LHFPL6: variants seen among roughly 807,000 people sequenced by gnomAD.
LHFPL6 encodes the protein LHFPL tetraspan subfamily member 6 protein.
Under a neutral mutation model 20.6 loss-of-function variants are expected in LHFPL6, and 9 were observed. The ratio of observed to expected loss-of-function variants is 0.44; its 90% CI spans 0.26 to 0.76. The LOEUF (loss-of-function observed/expected upper bound fraction) is 0.76. Among genes scored for constraint, LHFPL6 ranks in the 30% least tolerant of loss-of-function variants. The pLI is 0.20. For missense variants in LHFPL6, 218 were observed against 253.5 expected (o/e 0.86, Z 0.95); for synonymous variants, 105 against 98.7 (o/e 1.06, Z -0.38).
chr13:39,355,582 C>T (rs1325280167), intron 3 of LHFPL6, among the ~76,000 whole-genome samples: 3 of 152,134 alleles, frequency 2.0e-5, no homozygotes, highest in African/African-American at 7.2e-5. Flanking sequence ...TTAGAAGGTA[C>T]AGAGTGGCAA....
chr13:39,443,188 T>G (rs1301005356), intron 2 of LHFPL6, among the ~76,000 whole-genome samples: 1 of 152,142 alleles, frequency 6.6e-6, no homozygotes, highest in Non-Finnish European at 1.5e-5. Flanking sequence ...AGGAGTTGGT[T>G]CATGAGAAAA....
At chr13:39,355,999 G>T (rs1040776043) in intron 3 of LHFPL6, among the ~76,000 whole-genome samples, 10 of 152,126 alleles carry the variant, frequency 6.6e-5, no homozygotes, top group Admixed American at 6.6e-4. Context: ...ACCAAAAAAA[G>T]AAATTCTGGA....
intron 2 of LHFPL6, among the ~76,000 whole-genome samples, chr13:39,523,995 T>C (rs1249549743): frequency 6.6e-6 from 1 of 152,106 alleles, no homozygotes; most frequent in Non-Finnish European, 1.5e-5. Context: ...TAGGAAAAGA[T>C]GGCAGAGTAC....
intron 2 of LHFPL6, among the ~76,000 whole-genome samples, chr13:39,477,117 AC>A (rs1873102425): frequency 6.6e-6 from 1 of 151,706 alleles, no homozygotes; most frequent in South Asian, 2.1e-4. Context: ...CACAGATCCA[AC>A]CCTCCCCCAT....
intron 2 of LHFPL6, among the ~76,000 whole-genome samples, chr13:39,504,055 T>C (rs975994423): frequency 8.5e-5 from 13 of 152,202 alleles, no homozygotes; most frequent in African/African-American, 2.7e-4. Context: ...ATGGCAAAAA[T>C]TGCTTTTGCA....
At chr13:39,391,301 C>T (rs1293315412) in intron 2 of LHFPL6, among the ~76,000 whole-genome samples, 1 of 152,194 alleles carries the variant, frequency 6.6e-6, no homozygotes, top group African/African-American at 2.4e-5. Flanking sequence ...TTCACAAACA[C>T]TACTGCCACG....
chr13:39,349,136 T>C (rs1869490630), intron 3 of LHFPL6, among the ~76,000 whole-genome samples: 1 of 152,182 alleles, frequency 6.6e-6, no homozygotes, highest in Non-Finnish European at 1.5e-5. Flanking sequence ...CAATGTGATT[T>C]AAAAGAAAAA....
chr13:39,363,614 G>T (rs936341610), intron 3 of LHFPL6, among the ~76,000 whole-genome samples: 1 of 152,096 alleles, frequency 6.6e-6, no homozygotes, highest in African/African-American at 2.4e-5. Context: ...TGCTCCCCAG[G>T]ACACCGACAG....
At chr13:39,508,047 G>A (rs1459183088) in intron 2 of LHFPL6, among the ~76,000 whole-genome samples, 2 of 148,342 alleles carry the variant, frequency 1.3e-5, no homozygotes, top group Non-Finnish European at 3.0e-5. Context: ...TTGAGGCAGA[G>A]TCACGCTCTG....
intron 2 of LHFPL6, among the ~76,000 whole-genome samples, chr13:39,474,543 A>C (rs1873031838): frequency 6.6e-6 from 1 of 152,118 alleles, no homozygotes; most frequent in Admixed American, 6.5e-5. Flanking sequence ...ATGTTTCCTC[A>C]CCTTTTTTCT....
chr13:39,575,728 G>A (rs960651973), intron 2 of LHFPL6, among the ~76,000 whole-genome samples: 5 of 152,148 alleles, frequency 3.3e-5, no homozygotes, highest in Non-Finnish European at 7.3e-5. Context: ...CTGTGGAGTG[G>A]GGAGCTCCTT....
At chr13:39,585,082 C>T (rs1872406543) in intron 2 of LHFPL6, among the ~76,000 whole-genome samples, 1 of 152,164 alleles carries the variant, frequency 6.6e-6, no homozygotes, top group Non-Finnish European at 1.5e-5. Context: ...CACCCCAATA[C>T]ACCCATATGG....
chr13:39,600,550 C>T (rs565861484), intron 2 of LHFPL6, among the ~76,000 whole-genome samples: 13 of 152,284 alleles, frequency 8.5e-5, no homozygotes, highest in Non-Finnish European at 1.5e-4. Flanking sequence ...CAAACTGTCG[C>T]CCCTACTACA....
chr13:39,377,937 T>C (rs1317465274), intron 3 of LHFPL6, among the ~76,000 whole-genome samples: 1 of 152,218 alleles, frequency 6.6e-6, no homozygotes, highest in East Asian at 1.9e-4. Flanking sequence ...AGTGCTTCCA[T>C]CTAATCCTGA....
intron 2 of LHFPL6, among the ~76,000 whole-genome samples, chr13:39,453,253 T>A (rs1042991645): frequency 6.6e-6 from 1 of 152,192 alleles, no homozygotes; most frequent in African/African-American, 2.4e-5. Context: ...TAAGCCTAGT[T>A]TATTCAAATA....
chr13:39,592,674 G>C (rs564889310), intron 2 of LHFPL6, among the ~76,000 whole-genome samples: 1 of 152,142 alleles, frequency 6.6e-6, no homozygotes, highest in Non-Finnish European at 1.5e-5. Context: ...GACAAAAAAA[G>C]AGAATTTTAG....
At chr13:39,497,211 G>A (rs971120957) in intron 2 of LHFPL6, among the ~76,000 whole-genome samples, 1 of 152,060 alleles carries the variant, frequency 6.6e-6, no homozygotes, top group Non-Finnish European at 1.5e-5. Flanking sequence ...CAGGTTTTAT[G>A]GTAATGCTTA....
intron 2 of LHFPL6, among the ~76,000 whole-genome samples, chr13:39,483,332 G>C (rs1483451890): frequency 6.6e-6 from 1 of 152,048 alleles, no homozygotes; most frequent in Non-Finnish European, 1.5e-5. Context: ...TTGGAGCAAG[G>C]ACTTGAGAAA....
intron 2 of LHFPL6, among the ~76,000 whole-genome samples, chr13:39,599,977 A>C (rs1261293537): frequency 6.6e-6 from 1 of 152,226 alleles, no homozygotes; most frequent in Non-Finnish European, 1.5e-5. Context: ...GTCATATTTC[A>C]CCAGGGTGGA....
Sources: allele counts gnomAD v4.1 joint callset (sites outside exome capture counted in the v4.1 genomes callset), GRCh38; gene constraint gnomAD v4.1.1; transcripts MANE v1.5; gene names NCBI Gene and HGNC (gene_info 2026-07-23, HGNC 2026-07-21).